Variants in KCNIP4 observed in about 807,000 individuals in gnomAD.
The protein encoded by KCNIP4 is potassium voltage-gated channel interacting protein 4.
A neutral mutation model predicts 34.0 loss-of-function variants in KCNIP4; 12 were observed. That is an observed-to-expected ratio of 0.35 (90% CI 0.23 to 0.57). KCNIP4 has a LOEUF of 0.57. Ranked by LOEUF, KCNIP4 falls within the 20% of genes least tolerant of loss-of-function variation. The pLI, the probability that KCNIP4 is intolerant of heterozygous loss-of-function variation, is 0.83. For synonymous variants in KCNIP4, 124 were observed against 102.2 expected (o/e 1.21, Z -1.29); for missense variants, 238 against 311.7 (o/e 0.76, Z 1.78).
intron 1 of KCNIP4, among the ~76,000 whole-genome samples, chr4:21,113,482 G>GAAAAAAAAAAAAAAAAAAAAAAAAAAA (rs1164913472): frequency 9.1e-5 from 10 of 109,472 alleles, no homozygotes; most frequent in Non-Finnish European, 1.5e-4. Context: ...AAAAAAAAAG[G>GAAAAAAAAAAAAAAAAAAAAAAAAAAA]AAAGCTATAC....
chr4:20,876,862 G>A (rs1179501798), intron 2 of KCNIP4, among the ~76,000 whole-genome samples: 3 of 152,106 alleles, frequency 2.0e-5, no homozygotes, highest in African/African-American at 7.2e-5. Context: ...GTGAGCCACC[G>A]CGCCTGGCCC....
In KCNIP4 at chr4:21,828,169, C is replaced by T. The variant is rs115752620; in HGVS notation, c.61+120402G>A. ...GAATAAAAGACTATAAAAGTTGGTA[C>T]GTATATTTTAAAAAATCTAATAGAA... On this transcript the variant is annotated intron_variant, in intron 1 of 8. Transcript: ENST00000382152. 4.1e-3 allele frequency among the ~76,000 whole-genome samples: 621 copies of T among 150,834 alleles called. 5 individuals carry two copies. The highest frequency in any genetic ancestry group is 0.014 in the African/African-American group (585 of 41,288).
chr4:21,334,112 C>T (rs1715923367), intron 1 of KCNIP4, among the ~76,000 whole-genome samples: 1 of 151,988 alleles, frequency 6.6e-6, no homozygotes, highest in Admixed American at 6.6e-5. Context: ...GAACACCTAA[C>T]TGGCAGGCAG....
chr4:21,836,935 T>G (rs1489602041), intron 1 of KCNIP4, among the ~76,000 whole-genome samples: 11 of 132,322 alleles, frequency 8.3e-5, no homozygotes, highest in South Asian at 2.6e-4. Flanking sequence ...TTTTTTTTTT[T>G]GAGACAGAGT....
At chr4:21,724,777 T>C (rs922120042) in intron 1 of KCNIP4, among the ~76,000 whole-genome samples, 1 of 152,044 alleles carries the variant, frequency 6.6e-6, no homozygotes, top group Admixed American at 6.6e-5. Context: ...ACTGAAAGGT[T>C]CCATTAAATA....
At chr4:21,024,228 G>A (rs559004471) in intron 1 of KCNIP4, among the ~76,000 whole-genome samples, 54 of 152,142 alleles carry the variant, frequency 3.5e-4, no homozygotes, top group African/African-American at 1.2e-3. Flanking sequence ...TTTCCCTTGC[G>A]ACGTCATTAG....
intron 1 of KCNIP4, among the ~76,000 whole-genome samples, chr4:21,499,382 C>A (rs759604156): frequency 6.7e-6 from 1 of 150,010 alleles, no homozygotes; most frequent in South Asian, 2.1e-4. Flanking sequence ...TTATTAAAAT[C>A]GCTTCCACGT....
chr4:20,734,594 C>A, intron 6 of KCNIP4, 34 bp downstream of exon 6: 1 of 974,386 alleles, frequency 1.0e-6, no homozygotes, highest in Non-Finnish European at 1.5e-6. Context: ...GAAAATGGTC[C>A]AAATTACTGT....
chr4:20,775,604 G>C (rs890537345), intron 3 of KCNIP4, among the ~76,000 whole-genome samples: 40 of 151,902 alleles, frequency 2.6e-4, no homozygotes, highest in Non-Finnish European at 1.0e-4. Flanking sequence ...AGCTACTCAG[G>C]AGGCTGAGGT....
chr4:21,402,711 G>A (rs1360480397), intron 1 of KCNIP4, among the ~76,000 whole-genome samples: 1 of 151,558 alleles, frequency 6.6e-6, no homozygotes, highest in Non-Finnish European at 1.5e-5. Context: ...GCTCTCTCTG[G>A]TCATAGATGC....
chr4:21,643,465 G>T (rs1363963760), intron 1 of KCNIP4, among the ~76,000 whole-genome samples: 2 of 152,040 alleles, frequency 1.3e-5, no homozygotes, highest in African/African-American at 4.8e-5. Flanking sequence ...GTATATGAGT[G>T]CCAGGTTTAC....
At chr4:21,838,716 T>C (rs1687352204) in intron 1 of KCNIP4, among the ~76,000 whole-genome samples, 1 of 152,186 alleles carries the variant, frequency 6.6e-6, no homozygotes, top group African/African-American at 2.4e-5. Flanking sequence ...TAAAGAAGTA[T>C]ACATTTGTAT....
At chr4:21,293,609 C>T (rs1047047533) in intron 1 of KCNIP4, among the ~76,000 whole-genome samples, 7 of 152,116 alleles carry the variant, frequency 4.6e-5, no homozygotes, top group Admixed American at 3.3e-4. Flanking sequence ...TACCCTCTGT[C>T]TTATAGGATT....
chr4:21,800,127 T>C (rs534976884), intron 1 of KCNIP4, among the ~76,000 whole-genome samples: 1 of 152,240 alleles, frequency 6.6e-6, no homozygotes, highest in Admixed American at 6.5e-5. Flanking sequence ...GAGAAATGAG[T>C]TCTTTCCCCC....
intron 1 of KCNIP4, among the ~76,000 whole-genome samples, chr4:21,528,767 GAAAGAAAGA>G (rs1736331217): frequency 1.8e-4 from 2 of 10,946 alleles, no homozygotes; most frequent in Admixed American, 1.1e-3. Flanking sequence ...AAGAAAGAAA[GAAAGAAAGA>G]AAGGAAGAAA....
intron 1 of KCNIP4, among the ~76,000 whole-genome samples, chr4:21,679,102 T>C (rs1334915406): frequency 1.3e-5 from 2 of 152,188 alleles, no homozygotes; most frequent in African/African-American, 4.8e-5. Flanking sequence ...GCTCATACCC[T>C]GACTTTGGAC....
At chr4:21,449,706 C>A (rs1324629129) in intron 1 of KCNIP4, among the ~76,000 whole-genome samples, 1 of 151,766 alleles carries the variant, frequency 6.6e-6, no homozygotes, top group African/African-American at 2.4e-5. Flanking sequence ...GCAATATAAA[C>A]TCCATAAGTG....
chr4:21,601,355 T>C (rs1394137), intron 1 of KCNIP4, among the ~76,000 whole-genome samples: 95,191 of 151,784 alleles, frequency 0.63, 30,178 homozygotes, highest in East Asian at 0.87. Flanking sequence ...CTCCATCTCA[T>C]TCCATGTATA....
At chr4:21,510,735 T>C (rs966836678) in intron 1 of KCNIP4, among the ~76,000 whole-genome samples, 1 of 152,042 alleles carries the variant, frequency 6.6e-6, no homozygotes, top group Non-Finnish European at 1.5e-5. Flanking sequence ...TTAAATTGTT[T>C]GGCCAGGCAT....
Sources: gnomAD v4.1 joint callset for allele counts (sites outside exome capture counted in the v4.1 genomes callset) on GRCh38, gnomAD v4.1.1 for gene constraint, MANE v1.5 for transcripts, NCBI Gene and HGNC (gene_info 2026-07-23, HGNC 2026-07-21) for gene names.